The following SHISAL2B variants were observed in gnomAD, a reference collection of about 807,000 sequenced individuals.
SHISAL2B encodes the protein shisa like 2B, also known as protein shisa-like-2B.
Under a neutral mutation model 16.5 loss-of-function variants are expected in SHISAL2B, and 12 were observed. That is an observed-to-expected ratio of 0.73 (90% confidence interval 0.47 to 1.18). The LOEUF (loss-of-function observed/expected upper bound fraction) is 1.18. Among genes scored for constraint, SHISAL2B ranks in the 50% most tolerant of loss-of-function variants. The pLI is 0.00. For synonymous variants in SHISAL2B, 72 were observed against 75.0 expected (o/e 0.96, Z 0.21); for missense variants, 183 against 193.6 (o/e 0.95, Z 0.33).
At chr5:64,694,447 T>A (rs562417045) in intron 1 of SHISAL2B, among the ~76,000 whole-genome samples, 2 of 152,228 alleles carry the variant, frequency 1.3e-5, no homozygotes, top group Non-Finnish European at 2.9e-5. Flanking sequence ...ATGCTTTTTT[T>A]CCCAAGCTCT....
At chr5:64,705,356 C>T (rs1364059586) in intron 2 of SHISAL2B, among the ~76,000 whole-genome samples, 1 of 152,010 alleles carries the variant, frequency 6.6e-6, no homozygotes, top group East Asian at 1.9e-4. Context: ...GTTTATTTCC[C>T]ATTAAAAAAC....
At position 64,718,064 on chromosome 5, in the gene SHISAL2B, CAATAAA is replaced by C; in HGVS notation, c.*49_*54del. 1.4e-6 allele frequency: 2 copies of C among 1,436,796 alleles called. No individual in the cohort carries two copies. Among genetic ancestry groups the C allele is most frequent in the Admixed American group, 3.3e-5 (1 of 29,936 alleles). 89.0% of individuals were successfully genotyped at this position (1,436,796 alleles called of 1,614,324 possible). On this transcript the variant is annotated 3_prime_UTR_variant, in exon 3 of 3. Coordinates refer to ENST00000389074, the MANE Select transcript of SHISAL2B (RefSeq NM_001164442.2). Reference sequence around the variant, plus strand: ...TTAAATGCTTACTGGAGAGATGGGACAATAAAAATAAAGCGTGCACTTGAAACGGTT... The same window carrying C: ...TTAAATGCTTACTGGAGAGATGGGACAATAAAGCGTGCACTTGAAACGGTT...
At position 64,695,657 on chromosome 5, in the gene SHISAL2B, T is replaced by C. The variant is rs957319536; in HGVS notation, c.342T>C (p.Thr114=). ...LKLQHLEASS[T]QEGKSNGKTK... ...TTCAACACTTAGAGGCTTCTTCCAC[T>C]CAAGAAGGTAATCAGTATCTATTAT... The change falls in exon 2 of 3, where the codon ACT becomes ACC. Residue 114 remains threonine (T), a synonymous_variant. Coordinates refer to ENST00000389074, the MANE Select transcript of SHISAL2B (RefSeq NM_001164442.2). 31 of 1,526,602 alleles carry C rather than the reference T, an allele frequency of 2.0e-5. No individual in the cohort carries two copies. The highest frequency in any genetic ancestry group is 2.6e-5 in the Non-Finnish European group (30 of 1,142,296). 94.6% of individuals were successfully genotyped at this position (1,526,602 alleles called of 1,614,324 possible). A position where few individuals can be genotyped will look rare whatever the true frequency, so the allele number is the denominator to read the frequency against.
chr5:64,695,196 C>T (rs185194445), intron 1 of SHISAL2B, among the ~76,000 whole-genome samples: 80 of 149,202 alleles, frequency 5.4e-4, no homozygotes, highest in African/African-American at 2.0e-3. Flanking sequence ...GCTCTGGAGG[C>T]GGAGGTTGCA....
At chr5:64,703,463 A>G (rs1175720761) in intron 2 of SHISAL2B, among the ~76,000 whole-genome samples, 1 of 152,242 alleles carries the variant, frequency 6.6e-6, no homozygotes, top group Non-Finnish European at 1.5e-5. Context: ...AGCTACTGCT[A>G]CATTTATTAG....
chr5:64,695,357 G>C (rs772834919), intron 1 of SHISAL2B, 150 bp from the exon 2 acceptor site: 63 of 517,100 alleles, frequency 1.2e-4, no homozygotes, highest in Non-Finnish European at 1.9e-4. Flanking sequence ...AAGGTGAACT[G>C]TAGATTTCAA....
chr5:64,715,694 T>C (rs1279216588), intron 2 of SHISAL2B, among the ~76,000 whole-genome samples: 1 of 152,268 alleles, frequency 6.6e-6, no homozygotes, highest in Admixed American at 6.5e-5. Flanking sequence ...GTGTAAGTGC[T>C]ATGTAAGTAT....
At position 64,705,828 on chromosome 5, in the gene SHISAL2B, T is replaced by G. The variant is rs770297752; in HGVS notation, c.349+10164T>G. 6.4e-4 allele frequency among the ~76,000 whole-genome samples: 97 copies of G among 152,182 alleles called. 1 individual carries two copies. The highest frequency in any genetic ancestry group is 2.2e-3 in the Admixed American group (34 of 15,284). ...AAGGTGGGTGGGGATACAGTCTGCT[T>G]TTATGTATTTTAAGGAGACATGAGA... is the stretch of plus-strand genomic sequence containing the variant. On this transcript the variant is annotated intron_variant, in intron 2 of 2. Coordinates refer to ENST00000389074, the MANE Select transcript of SHISAL2B (RefSeq NM_001164442.2).
At chr5:64,691,402 T>TGTG (rs1561372809) in intron 1 of SHISAL2B, 2 of 152,194 alleles carry the variant, frequency 1.3e-5, no homozygotes, top group Non-Finnish European at 2.9e-5. Flanking sequence ...TGTGTGTGTG[T>TGTG]TCCTGAGGGC....
At chr5:64,712,388 A>C (rs1741971984) in intron 2 of SHISAL2B, among the ~76,000 whole-genome samples, 2 of 152,150 alleles carry the variant, frequency 1.3e-5, no homozygotes, top group South Asian at 2.1e-4. Flanking sequence ...GTTTGATTGC[A>C]CTGTGGTCTG....
intron 2 of SHISAL2B, among the ~76,000 whole-genome samples, chr5:64,699,524 G>A (rs1741780649): frequency 6.6e-6 from 1 of 152,214 alleles, no homozygotes; most frequent in African/African-American, 2.4e-5. Context: ...TTTAAGGAAT[G>A]TCTTGAAGGT....
chr5:64,706,449 CTT>C (rs1181112097), intron 2 of SHISAL2B, among the ~76,000 whole-genome samples: 1 of 152,212 alleles, frequency 6.6e-6, no homozygotes, highest in Non-Finnish European at 1.5e-5. Context: ...TGACTTTTCT[CTT>C]TAGCTTAGTG....
chr5:64,705,456 G>A (rs1741863616), intron 2 of SHISAL2B, among the ~76,000 whole-genome samples: 1 of 152,082 alleles, frequency 6.6e-6, no homozygotes, highest in South Asian at 2.1e-4. Flanking sequence ...TTGGAAACAT[G>A]AGGGACTTTA....
At chr5:64,707,988 C>A (rs1306963976) in intron 2 of SHISAL2B, among the ~76,000 whole-genome samples, 6 of 152,126 alleles carry the variant, frequency 3.9e-5, no homozygotes, top group Non-Finnish European at 5.9e-5. Flanking sequence ...TATAAACCAC[C>A]TTTTGAAGAG....
intron 2 of SHISAL2B, among the ~76,000 whole-genome samples, chr5:64,716,067 C>G (rs541020094): frequency 1.3e-5 from 2 of 152,288 alleles, no homozygotes; most frequent in South Asian, 4.1e-4. Flanking sequence ...ACTTTTTACC[C>G]TCACCTAATT....
chr5:64,716,346 T>C (rs776276993), intron 2 of SHISAL2B, among the ~76,000 whole-genome samples: 3 of 152,202 alleles, frequency 2.0e-5, no homozygotes, highest in Non-Finnish European at 4.4e-5. Flanking sequence ...ATTAATACAC[T>C]CAACTAATAT....
At chr5:64,714,777 A>G (rs564366334) in intron 2 of SHISAL2B, among the ~76,000 whole-genome samples, 11 of 152,056 alleles carry the variant, frequency 7.2e-5, no homozygotes, top group Non-Finnish European at 8.8e-5. Flanking sequence ...GAAAAGCGCA[A>G]TATTCGGGTG....
At chr5:64,691,119 C>G (rs961529140) in intron 1 of SHISAL2B, 1 of 324,762 alleles carries the variant, frequency 3.1e-6, no homozygotes, top group Non-Finnish European at 5.6e-6. Context: ...CCGCCCGCCT[C>G]CCGGGAGCCG....
At chr5:64,715,194 A>G (rs1742028405) in intron 2 of SHISAL2B, among the ~76,000 whole-genome samples, 1 of 152,140 alleles carries the variant, frequency 6.6e-6, no homozygotes, top group South Asian at 2.1e-4. Context: ...TCTTTAATAT[A>G]TATTTTTACT....
Sources: allele counts gnomAD v4.1 joint callset (sites outside exome capture counted in the v4.1 genomes callset), GRCh38; gene constraint gnomAD v4.1.1; transcripts MANE v1.5; gene names NCBI Gene and HGNC (gene_info 2026-07-23, HGNC 2026-07-21).